GOLPH3: variants seen among roughly 807,000 people sequenced by gnomAD.
GOLPH3 encodes golgi phosphoprotein 3, also known as coat protein GPP34.
GOLPH3 carries 14 observed loss-of-function variants against 28.5 expected under a neutral mutation model. The ratio of observed to expected loss-of-function variants is 0.49; its 90% CI spans 0.32 to 0.77. The LOEUF (loss-of-function observed/expected upper bound fraction) is 0.77, where lower values mean the gene tolerates loss of function less well. Among genes scored for constraint, GOLPH3 ranks in the 30% least tolerant of loss-of-function variants. GOLPH3 has a pLI of 0.03. For missense variants in GOLPH3, 350 were observed against 393.7 expected (o/e 0.89, Z 0.94); for synonymous variants, 158 against 159.2 (o/e 0.99, Z 0.06).
intron 2 of GOLPH3, among the ~76,000 whole-genome samples, chr5:32,141,765 C>G (rs1286347907): frequency 6.6e-6 from 1 of 152,150 alleles, no homozygotes; most frequent in Non-Finnish European, 1.5e-5. Flanking sequence ...CCACGCCTGA[C>G]TGGTTTTCGT....
At chr5:32,170,011 T>G (rs912821204) in intron 1 of GOLPH3, among the ~76,000 whole-genome samples, 1 of 151,062 alleles carries the variant, frequency 6.6e-6, no homozygotes, top group Non-Finnish European at 1.5e-5. Context: ...TAACAGGTAA[T>G]CTGAAGCCAG....
intron 3 of GOLPH3, 49 bp from the exon 4 acceptor site, chr5:32,126,685 T>A (rs2111830914): frequency 6.6e-7 from 1 of 1,504,426 alleles, no homozygotes; most frequent in Admixed American, 2.1e-5. Flanking sequence ...TATCTGCTAA[T>A]TTTGCAAAAA....
At position 32,126,166 on chromosome 5, in the gene GOLPH3, T is replaced by C. The variant is rs1745673285; in HGVS notation, c.*46A>G. On this transcript the variant is annotated 3_prime_UTR_variant, in exon 4 of 4. Transcript: ENST00000265070. ...AACCAGAAGTCAACAGAAGAAAAAC[T>C]ACTGGTTTACTTGAGAGAAAGGAGA... 1.3e-6 allele frequency: 2 copies of C among 1,536,306 alleles called. No individual in the cohort carries two copies. The highest frequency in any genetic ancestry group is 2.0e-5 in the Admixed American group (1 of 50,104).
chr5:32,157,250 C>A (rs1746451190), intron 1 of GOLPH3, among the ~76,000 whole-genome samples: 1 of 152,132 alleles, frequency 6.6e-6, no homozygotes, highest in Non-Finnish European at 1.5e-5. Flanking sequence ...AACTTTTCAT[C>A]ATCCTTATGG....
intron 2 of GOLPH3, among the ~76,000 whole-genome samples, chr5:32,138,792 G>A (rs1745994748): frequency 6.6e-6 from 1 of 152,162 alleles, no homozygotes; most frequent in Non-Finnish European, 1.5e-5. Flanking sequence ...GTAGCTAGTA[G>A]CTACCATATT....
At chr5:32,147,551 G>A (rs1417846259) in intron 1 of GOLPH3, among the ~76,000 whole-genome samples, 1 of 152,124 alleles carries the variant, frequency 6.6e-6, no homozygotes, top group African/African-American at 2.4e-5. Context: ...TTTTTAGGGA[G>A]ATTAGAAGAA....
intron 1 of GOLPH3, among the ~76,000 whole-genome samples, chr5:32,151,982 T>C (rs1746317799): frequency 6.6e-6 from 1 of 152,176 alleles, no homozygotes; most frequent in Non-Finnish European, 1.5e-5. Flanking sequence ...TATTGTTTAA[T>C]GGATAGAGTT....
intron 3 of GOLPH3, among the ~76,000 whole-genome samples, chr5:32,135,367 C>T (rs371459832): frequency 3.5e-4 from 54 of 152,284 alleles, no homozygotes; most frequent in East Asian, 3.3e-3. Flanking sequence ...GTATTATCTT[C>T]GCATTCTATA....
At chr5:32,141,617 C>A (rs980039042) in intron 2 of GOLPH3, among the ~76,000 whole-genome samples, 12 of 151,000 alleles carry the variant, frequency 7.9e-5, no homozygotes, top group African/African-American at 3.0e-4. Context: ...TCTCCCTCCT[C>A]TCCCTCTCTT....
At chr5:32,171,878 G>T (rs1581561296) in intron 1 of GOLPH3, among the ~76,000 whole-genome samples, 1 of 151,952 alleles carries the variant, frequency 6.6e-6, no homozygotes, top group East Asian at 1.9e-4. Context: ...AACCCGGGAG[G>T]GGGAGGTTGC....
At chr5:32,173,692 G>T (rs994522095) in intron 1 of GOLPH3, 118 bp downstream of exon 1, 1 of 670,402 alleles carries the variant, frequency 1.5e-6, no homozygotes, top group Non-Finnish European at 2.1e-6. Context: ...CGCGGACTTC[G>T]GAGCGAGGGC....
intron 1 of GOLPH3, among the ~76,000 whole-genome samples, chr5:32,157,020 TATG>T (rs1279879291): frequency 2.6e-5 from 4 of 152,208 alleles, no homozygotes; most frequent in Non-Finnish European, 1.5e-5. Context: ...GTAATCAAGT[TATG>T]ATTACGTTTT....
In GOLPH3 at chr5:32,174,030, G is replaced by A. The variant is rs1031046244; in HGVS notation, c.5C>T (p.Thr2Ile). 3.7e-5 allele frequency: 48 copies of A among 1,281,720 alleles called. No individual in the cohort carries two copies. The highest frequency in any genetic ancestry group is 4.6e-5 in the Non-Finnish European group (47 of 1,020,968). The allele number at this position is 1,281,720 out of a possible 1,614,324, so 79.4% of individuals were successfully genotyped here. A position where few individuals can be genotyped will look rare whatever the true frequency, so the allele number is the denominator to read the frequency against. Residue 2 changes from threonine (T) to isoleucine (I), a missense_variant, in exon 1 of 4, where the codon ACC (threonine) becomes ATC (isoleucine). By Grantham distance (89) the Thr-to-Ile change is moderately conservative. Coordinates refer to ENST00000265070, the MANE Select transcript of GOLPH3 (RefSeq NM_022130.4). ...GCCGGAGCTGCGCTGGGTCAGCGAG[G>A]TCATGGCTCCCGCCGAGGCGCCGAG... M[T>I]SLTQRSSGLV... is the part of the protein sequence containing the mutation.
chr5:32,149,154 G>A (rs1004425414), intron 1 of GOLPH3, among the ~76,000 whole-genome samples: 1 of 152,182 alleles, frequency 6.6e-6, no homozygotes, highest in African/African-American at 2.4e-5. Flanking sequence ...GGGTACAAAT[G>A]CAGAGAATGA....
intron 1 of GOLPH3, among the ~76,000 whole-genome samples, chr5:32,162,288 A>C (rs112995128): frequency 9.0e-4 from 134 of 149,278 alleles, no homozygotes; most frequent in Non-Finnish European, 1.6e-3. Context: ...GTCAGGAGAT[A>C]GAGACCATCC....
intron 2 of GOLPH3, among the ~76,000 whole-genome samples, chr5:32,142,855 C>A (rs1232868215): frequency 6.7e-6 from 1 of 150,264 alleles, no homozygotes; most frequent in Non-Finnish European, 1.5e-5. Flanking sequence ...CCCGGCCAGC[C>A]GCCCCGTCCG....
At chr5:32,163,336 G>A (rs1482911477) in intron 1 of GOLPH3, among the ~76,000 whole-genome samples, 1 of 152,076 alleles carries the variant, frequency 6.6e-6, no homozygotes, top group East Asian at 1.9e-4. Context: ...GAAATCATTC[G>A]CAAATCTGTC....
At position 32,126,087 on chromosome 5, in the gene GOLPH3, A is replaced by C; in HGVS notation, c.*125T>G. ...ACGTACAAAAAAGAAAAAGCCACCCACCATTTTGTAAAACAGAAGCCAATT... is the reference window on the plus strand; with the variant it reads ...ACGTACAAAAAAGAAAAAGCCACCCCCCATTTTGTAAAACAGAAGCCAATT... On this transcript the variant is annotated 3_prime_UTR_variant, in exon 4 of 4. Transcript: ENST00000265070. 2 of 969,268 alleles carry C rather than the reference A, an allele frequency of 2.1e-6. No individual in the cohort carries two copies. Among genetic ancestry groups the C allele is most frequent in the Non-Finnish European group, 3.1e-6 (2 of 644,942 alleles). 60.0% of individuals were successfully genotyped at this position (969,268 alleles called of 1,614,324 possible).
At chr5:32,156,760 T>C (rs1028062025) in intron 1 of GOLPH3, among the ~76,000 whole-genome samples, 11 of 152,192 alleles carry the variant, frequency 7.2e-5, no homozygotes, top group African/African-American at 2.7e-4. Context: ...GAGAATCTAA[T>C]GGCTGCTGCT....
Sources: allele counts gnomAD v4.1 joint callset (sites outside exome capture counted in the v4.1 genomes callset), GRCh38; gene constraint gnomAD v4.1.1; transcripts MANE v1.5; gene names NCBI Gene and HGNC (gene_info 2026-07-23, HGNC 2026-07-21).